CDC73: variants seen among roughly 807,000 people sequenced by gnomAD.
CDC73 encodes parafibromin.
CDC73 carries 21 observed loss-of-function variants against 83.7 expected under a neutral mutation model. The ratio of observed to expected loss-of-function variants is 0.25; its 90% confidence interval spans 0.18 to 0.36. The LOEUF (loss-of-function observed/expected upper bound fraction) is 0.36, where lower values mean the gene tolerates loss of function less well. Ranked by LOEUF, CDC73 falls within the 10% of genes least tolerant of loss-of-function variation. CDC73 has a pLI of 1.00. For missense variants in CDC73, 342 were observed against 653.3 expected (o/e 0.52, Z 5.19); for synonymous variants, 224 against 212.9 (o/e 1.05, Z -0.45).
At chr1:193,179,425 T>C (rs1676671897) in intron 10 of CDC73, 1 of 152,662 alleles carries the variant, frequency 6.6e-6, no homozygotes, top group Non-Finnish European at 1.5e-5. Context: ...TACTTTTGCT[T>C]CGATTATCTT....
intron 10 of CDC73, among the ~76,000 whole-genome samples, chr1:193,173,535 TAC>T (rs1558297809): frequency 2.0e-5 from 3 of 152,232 alleles, no homozygotes; most frequent in African/African-American, 7.2e-5. Flanking sequence ...CAGTTCATTT[TAC>T]AGTTTCGATT....
chr1:193,212,473 C>G lies in CDC73; in HGVS notation c.1150C>G (p.Leu384Val), dbSNP rs377215814. The G allele has an allele frequency of 6.4e-7, 1 of 1,552,644 alleles. No individual in the cohort carries two copies. The highest frequency in any genetic ancestry group is 8.9e-7 in the Non-Finnish European group (1 of 1,125,500). Residue 384 changes from leucine to valine, a missense_variant, in exon 13 of 17, where the codon CTG (leucine) becomes GTG (valine). Coordinates refer to ENST00000367435, the MANE Select transcript of CDC73 (RefSeq NM_024529.5). ...TAATGCAAAAGACCTTCTACAGGAC[C>G]TGAAGTAAGTAATTTATTAAACTAT... ...MLNAKDLLQD[L>V]KFVPSDEKKK...
At chr1:193,196,674 A>C (rs1031079268) in intron 10 of CDC73, among the ~76,000 whole-genome samples, 1 of 152,072 alleles carries the variant, frequency 6.6e-6, no homozygotes, top group Non-Finnish European at 1.5e-5. Context: ...TCCTTGGTTA[A>C]GTTTATTCCT....
At chr1:193,245,266 A>G (rs1677934091) in intron 15 of CDC73, among the ~76,000 whole-genome samples, 1 of 152,138 alleles carries the variant, frequency 6.6e-6, no homozygotes, top group Non-Finnish European at 1.5e-5. Context: ...ATCTCTCTGT[A>G]TTCCCCCTAC....
intron 10 of CDC73, among the ~76,000 whole-genome samples, chr1:193,182,997 CATGT>C (rs963302567): frequency 2.0e-5 from 3 of 151,902 alleles, no homozygotes; most frequent in Non-Finnish European, 4.4e-5. Context: ...TGCATAAATA[CATGT>C]ATGTATTTAG....
At chr1:193,122,365 A>G in intron 1 of CDC73, 34 bp downstream of exon 1, 5 of 1,613,642 alleles carry the variant, frequency 3.1e-6, no homozygotes, top group Admixed American at 1.7e-5. Context: ...CAGGGGTGGC[A>G]GGGCAGAGTT....
At chr1:193,168,357 G>T (rs1322119279) in intron 10 of CDC73, among the ~76,000 whole-genome samples, 1 of 152,160 alleles carries the variant, frequency 6.6e-6, no homozygotes, top group Non-Finnish European at 1.5e-5. Flanking sequence ...AGGCCCTGGG[G>T]ATATAAATAG....
chr1:193,240,541 A>G (rs2102065732), intron 15 of CDC73, among the ~76,000 whole-genome samples: 1 of 151,834 alleles, frequency 6.6e-6, no homozygotes, highest in South Asian at 2.1e-4. Context: ...TTTAGTAATA[A>G]CCCTTCTAAT....
intron 10 of CDC73, among the ~76,000 whole-genome samples, chr1:193,201,507 G>A (rs10399929): frequency 0.72 from 110,013 of 151,974 alleles, 40,091 homozygotes; most frequent in South Asian, 0.82. Context: ...GCTCTAGTCT[G>A]TAAAAAATAA....
At chr1:193,185,117 T>A (rs2103162715) in intron 10 of CDC73, among the ~76,000 whole-genome samples, 1 of 152,202 alleles carries the variant, frequency 6.6e-6, no homozygotes, top group East Asian at 1.9e-4. Context: ...TAGCTACATT[T>A]ATATTTAATT....
intron 10 of CDC73, among the ~76,000 whole-genome samples, chr1:193,182,466 G>T (rs976371859): frequency 5.9e-5 from 9 of 152,020 alleles, no homozygotes; most frequent in Admixed American, 5.2e-4. Flanking sequence ...TATCTTGGTT[G>T]AGTCTCCATG....
intron 10 of CDC73, among the ~76,000 whole-genome samples, chr1:193,188,943 T>G (rs964636508): frequency 1.3e-5 from 2 of 152,030 alleles, no homozygotes; most frequent in Non-Finnish European, 2.9e-5. Flanking sequence ...ACCTCTTTCT[T>G]TCTGTCTGTC....
chr1:193,199,456 A>G (rs550896998), intron 10 of CDC73, among the ~76,000 whole-genome samples: 1 of 152,290 alleles, frequency 6.6e-6, no homozygotes, highest in African/African-American at 2.4e-5. Flanking sequence ...TCATGCCTGT[A>G]ATCCCAGCAC....
intron 13 of CDC73, among the ~76,000 whole-genome samples, chr1:193,214,487 G>A (rs867265090): frequency 1.2e-4 from 18 of 152,186 alleles, no homozygotes; most frequent in African/African-American, 4.1e-4. Context: ...GGAGGCCGAG[G>A]TGGGTGGATC....
intron 13 of CDC73, among the ~76,000 whole-genome samples, chr1:193,231,935 C>T (rs1241161769): frequency 6.6e-6 from 1 of 152,020 alleles, no homozygotes; most frequent in Admixed American, 6.6e-5. Flanking sequence ...GAGACTAGAT[C>T]ATAGTTAATA....
chr1:193,168,585 C>T (rs879806512), intron 10 of CDC73, among the ~76,000 whole-genome samples: 3 of 151,116 alleles, frequency 2.0e-5, no homozygotes, highest in South Asian at 2.1e-4. Flanking sequence ...AATGCAGTAG[C>T]GCAATCTTGC....
intron 15 of CDC73, among the ~76,000 whole-genome samples, chr1:193,244,792 C>A (rs151310304): frequency 1.3e-5 from 2 of 152,204 alleles, no homozygotes; most frequent in Admixed American, 1.3e-4. Flanking sequence ...ACCTTCCACA[C>A]GTGTATTATG....
chr1:193,218,653 A>T (rs1028229239), intron 13 of CDC73, among the ~76,000 whole-genome samples: 1 of 152,220 alleles, frequency 6.6e-6, no homozygotes, highest in African/African-American at 2.4e-5. Context: ...GACAGGAACA[A>T]GCAGTGGGGA....
At chr1:193,212,137 A>G (rs764909876) in intron 12 of CDC73, 37 bp downstream of exon 12, 4 of 1,493,798 alleles carry the variant, frequency 2.7e-6, no homozygotes, top group Non-Finnish European at 3.7e-6. Context: ...TTAACTTTAA[A>G]AAGTAAATGA....
Sources: allele counts gnomAD v4.1 joint callset (sites outside exome capture counted in the v4.1 genomes callset), GRCh38; gene constraint gnomAD v4.1.1; transcripts MANE v1.5; gene names NCBI Gene and HGNC (gene_info 2026-07-23, HGNC 2026-07-21).